The following NKAIN3 variants were observed in gnomAD, a reference collection of about 807,000 sequenced individuals.
NKAIN3 encodes the protein sodium/potassium-transporting ATPase subunit beta-1-interacting protein 3.
Under a neutral mutation model 30.2 loss-of-function variants are expected in NKAIN3, and 25 were observed. That is an observed-to-expected ratio of 0.83 (90% confidence interval 0.60 to 1.16). NKAIN3 has a LOEUF of 1.16. Ranked by LOEUF, NKAIN3 falls within the 50% of genes most tolerant of loss-of-function variation. The pLI is 0.00. For missense variants in NKAIN3, 225 were observed against 254.1 expected, an observed-to-expected ratio of 0.89 and a Z score of 0.78; for synonymous variants, 91 against 89.6, an observed-to-expected ratio of 1.02 and a Z score of -0.09.
chr8:62,592,586 G>T (rs991888685), intron 3 of NKAIN3, among the ~76,000 whole-genome samples: 4 of 151,944 alleles, frequency 2.6e-5, no homozygotes, highest in East Asian at 1.9e-4. Context: ...CGATATGGTA[G>T]ATTAAAACAC....
intron 6 of NKAIN3, among the ~76,000 whole-genome samples, chr8:62,963,575 G>A (rs1216124932): frequency 1.3e-5 from 2 of 152,170 alleles, no homozygotes; most frequent in Admixed American, 6.5e-5. Flanking sequence ...TTCATGTATT[G>A]GATGGATAAA....
chr8:62,428,032 C>T (rs1305546143), intron 1 of NKAIN3, among the ~76,000 whole-genome samples: 1 of 151,902 alleles, frequency 6.6e-6, no homozygotes. Context: ...AACCACCATT[C>T]TATTAACTAT....
intron 4 of NKAIN3, among the ~76,000 whole-genome samples, chr8:62,887,793 T>C (rs960010613): frequency 3.3e-5 from 5 of 152,196 alleles, no homozygotes; most frequent in Non-Finnish European, 1.5e-5. Context: ...GCTGACCAAT[T>C]TTTTCATTAA....
At chr8:62,960,093 T>C (rs1823528729) in intron 6 of NKAIN3, among the ~76,000 whole-genome samples, 1 of 152,246 alleles carries the variant, frequency 6.6e-6, no homozygotes, top group Admixed American at 6.5e-5. Context: ...TTTGACTATG[T>C]AGCAGTGAAA....
Position 62,571,724 on chromosome 8 carries a change from C to T in NKAIN3, c.55-7815C>T, listed in dbSNP as rs113576067. 1.9e-3 allele frequency among the ~76,000 whole-genome samples: 285 copies of T among 152,290 alleles called. 1 individual carries two copies. Among genetic ancestry groups the T allele is most frequent in the African/African-American group, 6.5e-3 (270 of 41,554 alleles). Reference sequence around the variant, plus strand: ...AGCCCATTTCTTAGACTTCTGTGCACCCACAGGCTCAACCCCACATGGAAG... The same window carrying T: ...AGCCCATTTCTTAGACTTCTGTGCATCCACAGGCTCAACCCCACATGGAAG... On this transcript the variant is annotated intron_variant, in intron 1 of 6. Coordinates refer to ENST00000623646, the MANE Select transcript of NKAIN3 (RefSeq NM_001304533.3).
At chr8:62,497,497 A>G (rs530555056) in intron 1 of NKAIN3, among the ~76,000 whole-genome samples, 2 of 152,128 alleles carry the variant, frequency 1.3e-5, no homozygotes, top group Admixed American at 1.3e-4. Context: ...AAACAGTTTA[A>G]TTTAGAATAA....
chr8:62,355,648 C>A (rs1816324993), intron 1 of NKAIN3, among the ~76,000 whole-genome samples: 1 of 152,148 alleles, frequency 6.6e-6, no homozygotes, highest in Admixed American at 6.5e-5. Context: ...TAATTTATGA[C>A]TTTAATTACC....
chr8:62,438,294 T>A (rs187298832), intron 1 of NKAIN3, among the ~76,000 whole-genome samples: 3 of 152,210 alleles, frequency 2.0e-5, no homozygotes, highest in Non-Finnish European at 4.4e-5. Flanking sequence ...AAGGAGAGAA[T>A]AAAATCAATC....
intron 4 of NKAIN3, among the ~76,000 whole-genome samples, chr8:62,866,414 T>C (rs1820416202): frequency 6.6e-6 from 1 of 152,190 alleles, no homozygotes; most frequent in Non-Finnish European, 1.5e-5. Flanking sequence ...GCTTTTTTAT[T>C]GTCTTTCCAT....
chr8:62,821,980 C>A (rs1238583516), intron 4 of NKAIN3, among the ~76,000 whole-genome samples: 1 of 151,860 alleles, frequency 6.6e-6, no homozygotes, highest in Admixed American at 6.6e-5. Context: ...ACGGAAAAGC[C>A]TTTATAGAGG....
At chr8:62,807,373 T>C (rs1415190802) in intron 4 of NKAIN3, among the ~76,000 whole-genome samples, 1 of 152,170 alleles carries the variant, frequency 6.6e-6, no homozygotes, top group Non-Finnish European at 1.5e-5. Flanking sequence ...TGGAATTACA[T>C]GTAGATTACA....
intron 3 of NKAIN3, among the ~76,000 whole-genome samples, chr8:62,644,167 C>A (rs1474986394): frequency 2.0e-5 from 3 of 152,118 alleles, no homozygotes; most frequent in Non-Finnish European, 2.9e-5. Context: ...TGGCTAAACT[C>A]TCACTCTCTT....
intron 1 of NKAIN3, among the ~76,000 whole-genome samples, chr8:62,570,240 A>G (rs1197541929): frequency 2.0e-5 from 3 of 152,310 alleles, no homozygotes; most frequent in Non-Finnish European, 4.4e-5. Context: ...GTCAGATACC[A>G]AGGAATATAT....
In NKAIN3 at chr8:62,319,683, T is replaced by G. The variant is rs182626605; in HGVS notation, c.54+70556T>G. 5.6e-3 allele frequency among the ~76,000 whole-genome samples: 851 copies of G among 152,358 alleles called. 9 individuals carry two copies. Among genetic ancestry groups the G allele is most frequent in the African/African-American group, 0.02 (813 of 41,570 alleles). On this transcript the variant is annotated intron_variant, in intron 1 of 6. Transcript: ENST00000623646. ...ATCCTGAGTTCTAGTTTGATTGCAC[T>G]GTGGTCTAAGAGACAATTTATTATA...
chr8:62,331,099 A>G (rs913151078), intron 1 of NKAIN3, among the ~76,000 whole-genome samples: 3 of 148,184 alleles, frequency 2.0e-5, no homozygotes, highest in Admixed American at 1.3e-4. Context: ...CTCTCCATAT[A>G]TATATATGTA....
chr8:62,560,960 C>T (rs1183451523), intron 1 of NKAIN3, among the ~76,000 whole-genome samples: 18 of 151,980 alleles, frequency 1.2e-4, no homozygotes, highest in Admixed American at 1.2e-3. Flanking sequence ...TTAGCTGAGA[C>T]TTTTTATTTT....
At chr8:62,898,850 T>C (rs1821516633) in intron 4 of NKAIN3, among the ~76,000 whole-genome samples, 1 of 151,772 alleles carries the variant, frequency 6.6e-6, no homozygotes, top group African/African-American at 2.4e-5. Context: ...GGGTACTAAC[T>C]AGAATATATA....
chr8:62,522,467 TA>T (rs1007951640), intron 1 of NKAIN3, among the ~76,000 whole-genome samples: 15 of 151,192 alleles, frequency 9.9e-5, no homozygotes, highest in Admixed American at 1.3e-4. Flanking sequence ...CTCTAATTAT[TA>T]AAAAAAAAGT....
intron 4 of NKAIN3, among the ~76,000 whole-genome samples, chr8:62,893,664 G>A (rs9298067): frequency 0.77 from 116,883 of 151,596 alleles, 45,879 homozygotes; most frequent in East Asian, 0.92. Flanking sequence ...GTGTGTGTGC[G>A]TGCACACATA....
Sources: allele counts gnomAD v4.1 joint callset (sites outside exome capture counted in the v4.1 genomes callset), GRCh38; gene constraint gnomAD v4.1.1; transcripts MANE v1.5; gene names NCBI Gene and HGNC (gene_info 2026-07-23, HGNC 2026-07-21).